The following PRELID2 variants were observed in gnomAD, a reference collection of about 807,000 sequenced individuals.
PRELID2 encodes the protein PRELI domain-containing protein 2.
Under a neutral mutation model 28.4 loss-of-function variants are expected in PRELID2, and 25 were observed. That is an observed-to-expected ratio of 0.88 (90% CI 0.64 to 1.23). PRELID2 has a LOEUF of 1.23. Ranked by LOEUF, PRELID2 falls within the 50% of genes most tolerant of loss-of-function variation. The pLI, the probability that PRELID2 is intolerant of heterozygous loss-of-function variation, is 0.00. For synonymous variants in PRELID2, 76 were observed against 71.6 expected, an observed-to-expected ratio of 1.06 and a Z score of -0.31; for missense variants, 201 against 214.4, an observed-to-expected ratio of 0.94 and a Z score of 0.39.
chr5:145,409,217 G>C, the PRELID2 span, among the ~76,000 whole-genome samples: 1 of 152,054 alleles, frequency 6.6e-6, no homozygotes, highest in African/African-American at 2.4e-5. Context: ...GTGCAAAAAG[G>C]AGTTCAAAAC....
At chr5:145,385,064 A>T in the PRELID2 span, among the ~76,000 whole-genome samples, 27 of 152,324 alleles carry the variant, frequency 1.8e-4, no homozygotes, top group Non-Finnish European at 2.9e-4. Flanking sequence ...GTCGATAGGA[A>T]TGTGTTACAT....
At chr5:145,234,170 C>A in the PRELID2 span, among the ~76,000 whole-genome samples, 7 of 152,086 alleles carry the variant, frequency 4.6e-5, no homozygotes, top group African/African-American at 1.2e-4. Flanking sequence ...AGTAGCTTTA[C>A]TTCATTTTCC....
chr5:145,344,090 T>G, the PRELID2 span, among the ~76,000 whole-genome samples: 5 of 151,922 alleles, frequency 3.3e-5, no homozygotes, highest in Non-Finnish European at 2.9e-5. Flanking sequence ...AAAGAAGAAC[T>G]AATACCAAAT....
the PRELID2 span, among the ~76,000 whole-genome samples, chr5:145,427,643 C>T: frequency 9.6e-4 from 146 of 152,198 alleles, no homozygotes; most frequent in African/African-American, 3.4e-3. Context: ...ACAAAAGGAA[C>T]GAACCATAGT....
intron 5 of PRELID2, among the ~76,000 whole-genome samples, chr5:145,778,569 C>A (rs902351940): frequency 5.9e-5 from 9 of 152,228 alleles, no homozygotes; most frequent in Admixed American, 3.9e-4. Context: ...ACAGTACCAA[C>A]TGGGGAAGCT....
the PRELID2 span, among the ~76,000 whole-genome samples, chr5:145,395,057 A>G: frequency 6.6e-6 from 1 of 152,060 alleles, no homozygotes; most frequent in African/African-American, 2.4e-5. Flanking sequence ...ATGTACTACT[A>G]TGCTGCTAAT....
At chr5:145,510,116 A>G (rs1752448672) in intron 1 of PRELID2, among the ~76,000 whole-genome samples, 1 of 152,190 alleles carries the variant, frequency 6.6e-6, no homozygotes, top group Non-Finnish European at 1.5e-5. Context: ...GAATGAAATA[A>G]ATGCTCTACA....
chr5:145,600,648 A>C (rs1269390420), intron 1 of PRELID2, among the ~76,000 whole-genome samples: 4 of 152,066 alleles, frequency 2.6e-5, no homozygotes, highest in African/African-American at 7.2e-5. Context: ...CTCTCGATTT[A>C]GACTTCAAGT....
intron 1 of PRELID2, among the ~76,000 whole-genome samples, chr5:145,666,581 A>G (rs1754599570): frequency 6.6e-6 from 1 of 152,106 alleles, no homozygotes; most frequent in Non-Finnish European, 1.5e-5. Context: ...TCACTCACTC[A>G]TAGTACCCTG....
chr5:145,737,428 A>ATTT (rs1423034415), intron 1 of PRELID2, among the ~76,000 whole-genome samples: 1 of 151,738 alleles, frequency 6.6e-6, no homozygotes, highest in African/African-American at 2.4e-5. Context: ...TATTTATTTA[A>ATTT]AAAAAAAACA....
the PRELID2 span, among the ~76,000 whole-genome samples, chr5:145,256,403 T>A: frequency 6.6e-6 from 1 of 152,084 alleles, no homozygotes; most frequent in Non-Finnish European, 1.5e-5. Flanking sequence ...TATGTCTGTT[T>A]CTATTGATTA....
At chr5:145,582,507 C>A (rs1337167805) in intron 1 of PRELID2, among the ~76,000 whole-genome samples, 1 of 151,950 alleles carries the variant, frequency 6.6e-6, no homozygotes, top group East Asian at 1.9e-4. Flanking sequence ...ATGGGGATTA[C>A]AAGCCAAGAT....
the PRELID2 span, among the ~76,000 whole-genome samples, chr5:145,353,141 A>T: frequency 6.6e-6 from 1 of 152,284 alleles, no homozygotes; most frequent in East Asian, 1.9e-4. Context: ...TTACTGTATT[A>T]GTCCATTCTC....
chr5:145,302,080 T>A, the PRELID2 span, among the ~76,000 whole-genome samples: 1 of 152,084 alleles, frequency 6.6e-6, no homozygotes, highest in Non-Finnish European at 1.5e-5. Context: ...AGAAAATGGA[T>A]ATCTTTAAAA....
chr5:145,461,549 A>C, the PRELID2 span, among the ~76,000 whole-genome samples: 1 of 152,116 alleles, frequency 6.6e-6, no homozygotes, highest in Non-Finnish European at 1.5e-5. Context: ...TGATCTGCCC[A>C]CCTAGTCCTC....
intron 1 of PRELID2, among the ~76,000 whole-genome samples, chr5:145,692,203 G>A (rs1273349906): frequency 6.6e-6 from 1 of 152,124 alleles, no homozygotes; most frequent in South Asian, 2.1e-4. Context: ...TAACAGTGCT[G>A]AGCACATAGT....
chr5:145,471,488 G>A (rs189085773), downstream of PRELID2, among the ~76,000 whole-genome samples: 1 of 152,082 alleles, frequency 6.6e-6, no homozygotes, highest in East Asian at 1.9e-4. Flanking sequence ...ACTCCTTGTG[G>A]GTTCTAGGTA....
intron 1 of PRELID2, among the ~76,000 whole-genome samples, chr5:145,675,252 C>T (rs1437004519): frequency 6.6e-6 from 1 of 151,918 alleles, no homozygotes; most frequent in Non-Finnish European, 1.5e-5. Flanking sequence ...AGATATTTCA[C>T]CAAAAAGTAA....
At chr5:145,634,358 G>A (rs1753972330) in intron 1 of PRELID2, among the ~76,000 whole-genome samples, 1 of 152,116 alleles carries the variant, frequency 6.6e-6, no homozygotes, top group Non-Finnish European at 1.5e-5. Context: ...AGACTCTTCA[G>A]CATGAGACAC....
Sources: allele counts gnomAD v4.1 joint callset (sites outside exome capture counted in the v4.1 genomes callset), GRCh38; gene constraint gnomAD v4.1.1; transcripts MANE v1.5; gene names NCBI Gene and HGNC (gene_info 2026-07-23, HGNC 2026-07-21).